SLC66A2: variants seen among roughly 807,000 people sequenced by gnomAD.
SLC66A2 encodes PQ loop repeat containing 1.
A neutral mutation model predicts 25.5 loss-of-function variants in SLC66A2; 23 were observed. The ratio of observed to expected loss-of-function variants is 0.90; its 90% CI spans 0.65 to 1.28. The LOEUF is 1.28. SLC66A2 is among the 50% of genes most tolerant of loss of function. SLC66A2 has a pLI of 0.00. For synonymous variants in SLC66A2, 193 were observed against 166.5 expected, an observed-to-expected ratio of 1.16 and a Z score of -1.23; for missense variants, 396 against 373.1, an observed-to-expected ratio of 1.06 and a Z score of -0.51.
chr18:79,931,560 C>T (rs112099235), intron 4 of SLC66A2, among the ~76,000 whole-genome samples: 17 of 152,358 alleles, frequency 1.1e-4, no homozygotes, highest in African/African-American at 4.1e-4. Context: ...TCCACACCCA[C>T]ATTTAGTAAT....
At chr18:79,946,468 T>C (rs1441868890) in intron 2 of SLC66A2, among the ~76,000 whole-genome samples, 4 of 152,244 alleles carry the variant, frequency 2.6e-5, no homozygotes, top group Non-Finnish European at 5.9e-5. Context: ...GTGACTCCCA[T>C]GCCTCTTCTC....
chr18:79,950,948 G>A lies in SLC66A2; in HGVS notation c.-22C>T, dbSNP rs1331357769. On this transcript the variant is annotated 5_prime_UTR_variant, in exon 2 of 6. Coordinates refer to ENST00000397778, the MANE Select transcript of SLC66A2 (RefSeq NM_025078.5). ...CCATCGCAGCGCCCGCCTGGCCGAG[G>A]CTGTCACGGGCTCCGCGCCCCGCGG... 3 of 1,496,436 alleles carry A rather than the reference G, an allele frequency of 2.0e-6. No homozygotes were observed. Among genetic ancestry groups the A allele is most frequent in the Non-Finnish European group, 1.8e-6 (2 of 1,119,878 alleles). The allele number at this position is 1,496,436 out of a possible 1,614,324, so 92.7% of individuals were successfully genotyped here.
intron 1 of SLC66A2, 47 bp from the exon 2 acceptor site, chr18:79,951,072 G>T (rs965649922): frequency 9.3e-6 from 5 of 535,272 alleles, no homozygotes; most frequent in Non-Finnish European, 1.4e-5. Flanking sequence ...GGAGGCTGGG[G>T]CGGCGCGCAC....
At chr18:79,944,762 T>A (rs1254342928) in intron 2 of SLC66A2, 2 of 152,540 alleles carry the variant, frequency 1.3e-5, no homozygotes, top group Non-Finnish European at 2.9e-5. Context: ...ATTTCCCAAC[T>A]TCTGAAAAAC....
rs1981699004 is a variant in SLC66A2, at chr18:79,904,290, C to T, written c.609-107G>A. The T allele has an allele frequency of 1.7e-5, 17 of 1,029,270 alleles. No individual in the cohort carries two copies. Among genetic ancestry groups the T allele is most frequent in the East Asian group, 2.6e-5 (1 of 38,946 alleles). 63.8% of individuals were successfully genotyped at this position (1,029,270 alleles called of 1,614,324 possible). ...AGCGGGGAGACCTGGGGCTCAGGGG[C>T]ACCCAGGGGGCTAAGGGGACCCCCA... is the stretch of plus-strand genomic sequence containing the variant. On this transcript the variant is annotated intron_variant, in intron 5 of 5. Coordinates refer to ENST00000397778, the MANE Select transcript of SLC66A2 (RefSeq NM_025078.5). The surrounding 1 kb of genome is among the most constrained non-coding windows in gnomAD (Gnocchi z 6.3).
chr18:79,910,473 C>T (rs148798984), intron 5 of SLC66A2, among the ~76,000 whole-genome samples: 2 of 151,614 alleles, frequency 1.3e-5, no homozygotes, highest in African/African-American at 2.4e-5. Context: ...ACCTTCCCCA[C>T]CATCTCACAA....
At chr18:79,906,934 G>A (rs1200854499) in intron 5 of SLC66A2, among the ~76,000 whole-genome samples, 8 of 152,174 alleles carry the variant, frequency 5.3e-5, no homozygotes, top group African/African-American at 1.9e-4. Flanking sequence ...CAAGGCAAAT[G>A]TCCTTTACTT....
chr18:79,906,906 G>A (rs572415094), intron 5 of SLC66A2, among the ~76,000 whole-genome samples: 27 of 152,320 alleles, frequency 1.8e-4, no homozygotes, highest in Middle Eastern at 3.4e-3. Flanking sequence ...TTATCATGAT[G>A]CAATGTCCTT....
At chr18:79,939,446 C>G (rs1267293928) in intron 3 of SLC66A2, among the ~76,000 whole-genome samples, 1 of 152,158 alleles carries the variant, frequency 6.6e-6, no homozygotes, top group African/African-American at 2.4e-5. Context: ...ACAGAGCAAA[C>G]AGACAACCTA....
intron 4 of SLC66A2, chr18:79,924,988 C>T (rs966711772): frequency 6.6e-6 from 1 of 152,274 alleles, no homozygotes; most frequent in Non-Finnish European, 1.5e-5. Context: ...GAAATGAGAT[C>T]TCTAAGTTCA....
At chr18:79,944,354 G>C (rs550931646) in intron 2 of SLC66A2, 1 of 152,608 alleles carries the variant, frequency 6.6e-6, no homozygotes, top group Admixed American at 6.5e-5. Flanking sequence ...AGAGAAGACA[G>C]CCAAGGCTCT....
Position 79,940,943 on chromosome 18 carries a change from C to G in SLC66A2, c.337+2386G>C, listed in dbSNP as rs1224028143. ...GTTCTCAGTCCTCCCCGGGGGAGGGCAGGCACAGGTCACCCAGGCTGACCC... is the reference window on the plus strand; with the variant it reads ...GTTCTCAGTCCTCCCCGGGGGAGGGGAGGCACAGGTCACCCAGGCTGACCC... On this transcript the variant is annotated intron_variant, in intron 3 of 5. Transcript: ENST00000397778. The surrounding 1 kb of genome is among the most constrained non-coding windows in gnomAD (Gnocchi z 4.1). Among the ~76,000 whole-genome samples, 1 of 152,058 alleles carries G rather than the reference C, an allele frequency of 6.6e-6. No individual in the cohort carries two copies. Among genetic ancestry groups the G allele is most frequent in the Non-Finnish European group, 1.5e-5 (1 of 67,996 alleles).
At chr18:79,910,794 G>A (rs938380320) in intron 5 of SLC66A2, among the ~76,000 whole-genome samples, 3 of 152,046 alleles carry the variant, frequency 2.0e-5, no homozygotes, top group South Asian at 2.1e-4. Flanking sequence ...GCCAGGGCAC[G>A]TTTGTTTTGG....
At chr18:79,919,459 G>T in intron 4 of SLC66A2, 59 bp from the exon 5 acceptor site, 1 of 1,381,252 alleles carries the variant, frequency 7.2e-7, no homozygotes, top group South Asian at 1.2e-5. Context: ...AGGAGTCAAG[G>T]TCAGTGGGGA....
intron 5 of SLC66A2, among the ~76,000 whole-genome samples, chr18:79,911,280 A>G (rs1983074179): frequency 6.6e-6 from 1 of 152,220 alleles, no homozygotes; most frequent in South Asian, 2.1e-4. Flanking sequence ...TTCCCTGCTG[A>G]CGCCTCCAAC....
intron 3 of SLC66A2, among the ~76,000 whole-genome samples, chr18:79,934,528 A>G (rs1166530017): frequency 1.3e-5 from 2 of 152,204 alleles, no homozygotes; most frequent in Non-Finnish European, 2.9e-5. Flanking sequence ...CCGCACATGC[A>G]CTTGACAAGC....
chr18:79,950,735 C>G lies in SLC66A2; in HGVS notation c.192G>C (p.Arg64=). ...AGCCCCCAACTTACCAGAAGAGTATCCGCAAAATGTTGGCCACCAGCAGCA... is the reference window on the plus strand; with the variant it reads ...AGCCCCCAACTTACCAGAAGAGTATGCGCAAAATGTTGGCCACCAGCAGCA... ...CLVLLVANIL[R]ILFWFGRRFE... Residue 64 remains arginine (R), a synonymous_variant, in exon 2 of 6, where the codon CGG becomes CGC. Coordinates refer to ENST00000397778, the MANE Select transcript of SLC66A2 (RefSeq NM_025078.5). 6.2e-7 allele frequency: 1 copy of G among 1,613,184 alleles called. No individual in the cohort carries two copies. Among genetic ancestry groups the G allele is most frequent in the Non-Finnish European group, 8.5e-7 (1 of 1,179,954 alleles).
intron 4 of SLC66A2, among the ~76,000 whole-genome samples, chr18:79,929,896 T>C (rs886742105): frequency 6.6e-6 from 1 of 151,836 alleles, no homozygotes; most frequent in Non-Finnish European, 1.5e-5. Flanking sequence ...ATAAAGACTA[T>C]GCAACCTAAA....
chr18:79,938,799 T>C (rs1043239333), intron 3 of SLC66A2, among the ~76,000 whole-genome samples: 10 of 152,148 alleles, frequency 6.6e-5, no homozygotes, highest in Non-Finnish European at 1.2e-4. Flanking sequence ...ACCTCAGCCT[T>C]CTGAGTAGCT....
Sources: allele counts gnomAD v4.1 joint callset (sites outside exome capture counted in the v4.1 genomes callset), GRCh38; gene constraint gnomAD v4.1.1; non-coding constraint Gnocchi (gnomAD v3.1); transcripts MANE v1.5; gene names NCBI Gene and HGNC (gene_info 2026-07-23, HGNC 2026-07-21).